Variants in IGF1R observed in about 807,000 individuals in gnomAD.
IGF1R encodes the protein insulin-like growth factor 1 receptor.
Under a neutral mutation model 144.6 loss-of-function variants are expected in IGF1R, and 44 were observed. The ratio of observed to expected loss-of-function variants is 0.30; its 90% CI spans 0.24 to 0.39. The LOEUF (loss-of-function observed/expected upper bound fraction) is 0.39, where lower values mean the gene tolerates loss of function less well. IGF1R is among the 10% of genes least tolerant of loss of function. IGF1R has a pLI of 1.00. For missense variants in IGF1R, 1,355 were observed against 1,833.7 expected (o/e 0.74, Z 4.77); for synonymous variants, 795 against 722.8 (o/e 1.10, Z -1.60).
At chr15:98,955,519 G>C (rs149247698) in intron 20 of IGF1R, among the ~76,000 whole-genome samples, 109 of 152,384 alleles carry the variant, frequency 7.2e-4, no homozygotes, top group African/African-American at 2.5e-3. Flanking sequence ...CAGTGCAGCT[G>C]ATGTAGAGGC....
rs762467982 is a variant in IGF1R at position 98,707,917 on chromosome 15, T to C, written c.450T>C (p.Cys150=). Residue 150 remains cysteine, a synonymous_variant, in exon 2 of 21, where the codon TGT becomes TGC. Transcript: ENST00000650285. The surrounding 1 kb of genome is among the most constrained non-coding windows in gnomAD (Gnocchi z 6.7). ...AIRIEKNADL[C]YLSTVDWSLI... ...GGATTGAGAAAAATGCTGACCTCTG[T>C]TACCTCTCCACTGTGGACTGGTCCC... 3.1e-6 allele frequency: 5 copies of C among 1,614,128 alleles called. No individual in the cohort carries two copies. The highest frequency in any genetic ancestry group is 1.6e-4 in the Middle Eastern group (1 of 6,062).
At chr15:98,736,050 T>C (rs372783488) in intron 2 of IGF1R, among the ~76,000 whole-genome samples, 77 of 152,360 alleles carry the variant, frequency 5.1e-4, no homozygotes, top group African/African-American at 1.8e-3. Flanking sequence ...CAAGTAGTTA[T>C]GCATCCATTT....
chr15:98,728,514 G>A (rs371252860), intron 2 of IGF1R, among the ~76,000 whole-genome samples: 2 of 152,372 alleles, frequency 1.3e-5, no homozygotes, highest in East Asian at 3.9e-4. Context: ...GTCCCACTCA[G>A]TTGTATTTGA....
chr15:98,673,327 T>G (rs1462260410), intron 1 of IGF1R, among the ~76,000 whole-genome samples: 1 of 152,216 alleles, frequency 6.6e-6, no homozygotes, highest in Non-Finnish European at 1.5e-5. Context: ...TTTGCATACT[T>G]CTCTTAGTGG....
intron 1 of IGF1R, among the ~76,000 whole-genome samples, chr15:98,706,346 G>C (rs557872924): frequency 2.0e-5 from 3 of 152,182 alleles, no homozygotes; most frequent in African/African-American, 7.2e-5. Flanking sequence ...CCTAAAAAAG[G>C]TTATCACAAA....
chr15:98,863,823 T>C lies in IGF1R; in HGVS notation c.641-27502T>C, dbSNP rs201034655. Among the ~76,000 whole-genome samples the C allele has an allele frequency of 1.4e-4, 22 of 152,344 alleles. No homozygotes were observed. In the East Asian group the frequency reaches 4.0e-3, roughly 28 times the overall value. ...AAGAGAATGCTATTGGGGAACTGAC[T>C]CTGAAGCACAGCCCAGATGCTTGAG... is the stretch of plus-strand genomic sequence containing the variant. On this transcript the variant is annotated intron_variant, in intron 2 of 20. Coordinates refer to ENST00000650285, the MANE Select transcript of IGF1R (RefSeq NM_000875.5).
chr15:98,686,546 G>A (rs924686871), intron 1 of IGF1R, among the ~76,000 whole-genome samples: 4 of 151,944 alleles, frequency 2.6e-5, no homozygotes, highest in East Asian at 1.9e-4. Flanking sequence ...TCTTGCCAAC[G>A]TTTATTTTTA....
intron 17 of IGF1R, among the ~76,000 whole-genome samples, chr15:98,937,944 C>T (rs2016218486): frequency 6.6e-6 from 1 of 152,214 alleles, no homozygotes; most frequent in Non-Finnish European, 1.5e-5. Context: ...GTTGCTTCCC[C>T]AGATAACCAC....
chr15:98,794,947 C>T (rs2056204695), intron 2 of IGF1R, among the ~76,000 whole-genome samples: 1 of 152,184 alleles, frequency 6.6e-6, no homozygotes, highest in African/African-American at 2.4e-5. Context: ...CCTCCCCAAC[C>T]CCAGCCTTCC....
intron 1 of IGF1R, among the ~76,000 whole-genome samples, chr15:98,697,801 G>A (rs1053036182): frequency 7.2e-5 from 11 of 152,252 alleles, no homozygotes; most frequent in Admixed American, 5.9e-4. Flanking sequence ...GCGGTGGCGC[G>A]ATCTCTGCTC....
At chr15:98,698,550 C>T (rs190662118) in intron 1 of IGF1R, among the ~76,000 whole-genome samples, 1 of 152,322 alleles carries the variant, frequency 6.6e-6, no homozygotes, top group Admixed American at 6.5e-5. Context: ...CAGGATTTCT[C>T]CTTTTGTGAC....
At chr15:98,868,292 A>G (rs2012567389) in intron 2 of IGF1R, among the ~76,000 whole-genome samples, 1 of 118,990 alleles carries the variant, frequency 8.4e-6, no homozygotes, top group Non-Finnish European at 1.6e-5. Flanking sequence ...GCACCACTGC[A>G]CTCCAGCCTG....
intron 2 of IGF1R, among the ~76,000 whole-genome samples, chr15:98,834,271 A>G (rs2057054664): frequency 6.6e-6 from 1 of 152,188 alleles, no homozygotes; most frequent in African/African-American, 2.4e-5. Flanking sequence ...GCATCAGTGG[A>G]GCCTCAGCAA....
rs1377152409 is a variant in IGF1R at position 98,948,509 on chromosome 15, A to G, written c.3588-65A>G. The G allele has an allele frequency of 1.6e-5, 25 of 1,536,586 alleles. No individual in the cohort carries two copies. The East Asian group carries it at 5.4e-4, about 33-fold the overall frequency. Reference sequence around the variant, plus strand: ...GCTCGGGATGTAAGAAGTGCTGGAAAGGAGGGGGCAGCATTGTTCAGTCCA... The same window carrying G: ...GCTCGGGATGTAAGAAGTGCTGGAAGGGAGGGGGCAGCATTGTTCAGTCCA... On this transcript the variant is annotated intron_variant, in intron 19 of 20. Transcript: ENST00000650285.
chr15:98,709,339 C>T (rs2053938919), intron 2 of IGF1R, among the ~76,000 whole-genome samples: 1 of 152,194 alleles, frequency 6.6e-6, no homozygotes, highest in Non-Finnish European at 1.5e-5. Context: ...CCTGATCTGC[C>T]ACGCACTTTT....
intron 6 of IGF1R, among the ~76,000 whole-genome samples, chr15:98,910,246 C>T (rs936418529): frequency 1.3e-5 from 2 of 152,212 alleles, no homozygotes; most frequent in South Asian, 2.1e-4. Context: ...GCTCCCTGTT[C>T]AGATCATAGT....
intron 2 of IGF1R, among the ~76,000 whole-genome samples, chr15:98,814,812 A>G (rs1474596849): frequency 6.6e-6 from 1 of 152,246 alleles, no homozygotes; most frequent in Non-Finnish European, 1.5e-5. Flanking sequence ...ATCTGATATA[A>G]GCGTGGCTCT....
chr15:98,789,190 A>G lies in IGF1R; in HGVS notation c.640+81083A>G, dbSNP rs530669487. ...CTTTGTTCTCTGTGTGTAAGTAGTT[A>G]TATTATTCCTAGGTTATGGCATCTT... On this transcript the variant is annotated intron_variant, in intron 2 of 20. Coordinates refer to ENST00000650285, the MANE Select transcript of IGF1R (RefSeq NM_000875.5). 3.3e-5 allele frequency among the ~76,000 whole-genome samples: 5 copies of G among 152,326 alleles called. No individual in the cohort carries two copies. The Middle Eastern group carries it at 0.017, about 518-fold the overall frequency.
chr15:98,752,449 C>T (rs562215976), intron 2 of IGF1R, among the ~76,000 whole-genome samples: 104 of 152,098 alleles, frequency 6.8e-4, no homozygotes, highest in Admixed American at 1.2e-3. Context: ...TTTGGGAGGC[C>T]GAGGCGGGTG....
Sources: allele counts gnomAD v4.1 joint callset (sites outside exome capture counted in the v4.1 genomes callset), GRCh38; gene constraint gnomAD v4.1.1; non-coding constraint Gnocchi (gnomAD v3.1); transcripts MANE v1.5; gene names NCBI Gene and HGNC (gene_info 2026-07-23, HGNC 2026-07-21).